IGSF6: variants seen among roughly 807,000 people sequenced by gnomAD.
IGSF6 encodes the protein immunoglobulin superfamily member 6.
Under a neutral mutation model 24.7 loss-of-function variants are expected in IGSF6, and 23 were observed. The ratio of observed to expected loss-of-function variants is 0.93; its 90% CI spans 0.67 to 1.32. The LOEUF (loss-of-function observed/expected upper bound fraction) is 1.32, where lower values mean the gene tolerates loss of function less well. IGSF6 is among the 40% of genes most tolerant of loss of function. The pLI is 0.00. For missense variants in IGSF6, 295 were observed against 293.6 expected, an observed-to-expected ratio of 1.00 and a Z score of -0.04; for synonymous variants, 110 against 113.7, an observed-to-expected ratio of 0.97 and a Z score of 0.21.
chr16:21,647,171 GCT>G lies in IGSF6; in HGVS notation c.387_388del (p.Arg129SerfsTer2), dbSNP rs1210452278. On this transcript the variant is annotated frameshift_variant, in exon 2 of 6. Coordinates refer to ENST00000268389, the MANE Select transcript of IGSF6 (RefSeq NM_005849.4). LOFTEE classifies it high-confidence loss of function. ...TGTGGTCCCTCCTCCTGTCTGTTTA[GCT>G]CTCGCTTCCGGCACACTGGGGAATG... The G allele has an allele frequency of 1.9e-6, 3 of 1,614,114 alleles. No individual in the cohort carries two copies. The highest frequency in any genetic ancestry group is 2.5e-6 in the Non-Finnish European group (3 of 1,179,996).
intron 1 of IGSF6, among the ~76,000 whole-genome samples, chr16:21,649,890 G>A (rs1966523487): frequency 6.6e-6 from 1 of 151,910 alleles, no homozygotes; most frequent in Non-Finnish European, 1.5e-5. Flanking sequence ...TTTATTTTTA[G>A]TAGAGACAGG....
At position 21,639,561 on chromosome 16, in the gene IGSF6, A is replaced by G. The variant is rs1966193033; in HGVS notation, c.*1973T>C. 6.6e-6 allele frequency: 1 copy of G among 152,246 alleles called. No homozygotes were observed. Among genetic ancestry groups the G allele is most frequent in the Non-Finnish European group, 1.5e-5 (1 of 68,044 alleles). 9.4% of individuals were successfully genotyped at this position (152,246 alleles called of 1,614,324 possible). ...AGTACACAAGACAGTTTATTTTGGA[A>G]TATGGCAGGAAAGTATTAGCATTTT... On this transcript the variant is annotated 3_prime_UTR_variant, in exon 6 of 6. Coordinates refer to ENST00000268389, the MANE Select transcript of IGSF6 (RefSeq NM_005849.4).
chr16:21,645,880 C>T (rs1176723718), intron 2 of IGSF6, among the ~76,000 whole-genome samples: 1 of 152,158 alleles, frequency 6.6e-6, no homozygotes, highest in East Asian at 1.9e-4. Flanking sequence ...ATTTAGCTGA[C>T]AGATGAGAAT....
rs1567347042 is a variant in IGSF6 at position 21,647,278 on chromosome 16, C to T, written c.282G>A (p.Glu94=). ...KSEADKFTVR[E]ALKENQVSLT... The stretch of plus-strand genomic sequence containing the variant: ...GGGAAACTTGGTTTTCTTTGAGGGC[C>T]TCCCTCACTGTGAACTTGTCTGCCT... Residue 94 remains glutamate (E), a synonymous_variant, in exon 2 of 6, where the codon GAG becomes GAA. Coordinates refer to ENST00000268389, the MANE Select transcript of IGSF6 (RefSeq NM_005849.4). The T allele has an allele frequency of 1.9e-6, 3 of 1,614,162 alleles. No individual in the cohort carries two copies. Among genetic ancestry groups the T allele is most frequent in the African/African-American group, 1.3e-5 (1 of 75,036 alleles).
rs1275501703 is a variant in IGSF6 at position 21,640,141 on chromosome 16, T to C, written c.*1393A>G. 2 of 151,940 alleles carry C rather than the reference T, an allele frequency of 1.3e-5. No individual in the cohort carries two copies. Among genetic ancestry groups the C allele is most frequent in the Non-Finnish European group, 2.9e-5 (2 of 67,990 alleles). The allele number at this position is 151,940 out of a possible 1,614,324, so 9.4% of individuals were successfully genotyped here. A position where few individuals can be genotyped will look rare whatever the true frequency, so the allele number is the denominator to read the frequency against. On this transcript the variant is annotated 3_prime_UTR_variant, in exon 6 of 6. Transcript: ENST00000268389. ...TTTTTAGTAGAGACGGGTTTCATCA[T>C]GTTGTTCAGGCTGGTCTCGAACTCC...
intron 2 of IGSF6, 151 bp downstream of exon 2, chr16:21,646,982 C>T (rs775253708): frequency 2.0e-5 from 21 of 1,039,654 alleles, no homozygotes; most frequent in South Asian, 4.0e-5. Context: ...GTCCAAACCT[C>T]ATGGTGACTT....
At chr16:21,651,587 C>G (rs1302971763) in intron 1 of IGSF6, among the ~76,000 whole-genome samples, 1 of 152,082 alleles carries the variant, frequency 6.6e-6, no homozygotes, top group Admixed American at 6.5e-5. Context: ...AGGCATGAAC[C>G]ACCACGCCCA....
At position 21,639,923 on chromosome 16, in the gene IGSF6, T is replaced by TA. The variant is rs1966203447; in HGVS notation, c.*1610dup. Reference sequence around the variant, plus strand: ...CAATACCAGTTTAAAAGAAACACTTTATTTTATTTATTTATTTATTTATTT... The same window carrying TA: ...CAATACCAGTTTAAAAGAAACACTTTAATTTTATTTATTTATTTATTTATTT... On this transcript the variant is annotated 3_prime_UTR_variant, in exon 6 of 6. Transcript: ENST00000268389. The TA allele has an allele frequency of 6.6e-6, 1 of 151,406 alleles. No individual in the cohort carries two copies. The highest frequency in any genetic ancestry group is 6.6e-5 in the Admixed American group (1 of 15,122). The allele number at this position is 151,406 out of a possible 1,614,324, so 9.4% of individuals were successfully genotyped here.
chr16:21,648,450 G>A (rs570707214), intron 1 of IGSF6, among the ~76,000 whole-genome samples: 7 of 152,266 alleles, frequency 4.6e-5, no homozygotes, highest in South Asian at 4.1e-4. Context: ...TGCTGCAGCC[G>A]CCACTGCTAC....
At chr16:21,646,247 C>T (rs923397067) in intron 2 of IGSF6, 9 of 151,918 alleles carry the variant, frequency 5.9e-5, no homozygotes, top group Non-Finnish European at 1.2e-4. Context: ...TGTTTGATGT[C>T]CTCGCTCGGC....
At chr16:21,643,680 TTAAAC>T (rs1966338885) in intron 3 of IGSF6, 82 bp from the exon 4 acceptor site, 8 of 840,886 alleles carry the variant, frequency 9.5e-6, no homozygotes, top group Non-Finnish European at 1.2e-5. Flanking sequence ...CCTAATAAGA[TTAAAC>T]TAACTTAATA....
In IGSF6 at chr16:21,647,150, G is replaced by A. The variant is rs2141618877; in HGVS notation, c.410C>T (p.Thr137Ile). Residue 137 changes from threonine (T) to isoleucine (I), a missense_variant, in exon 2 of 6, where the codon ACC becomes ATC. Transcript: ENST00000268389. ...TGACTGACCTCTTACCACCAGTGTG[G>A]TCCCTCCTCCTGTCTGTTTAGCTCT... is the stretch of plus-strand genomic sequence containing the variant. ...EARAKQTGGG[T>I]TLVVREIKLL... 1 of 1,614,138 alleles carries A rather than the reference G, an allele frequency of 6.2e-7. No homozygotes were observed. Among genetic ancestry groups the A allele is most frequent in the Non-Finnish European group, 8.5e-7 (1 of 1,180,010 alleles).
rs562507415 is a variant in IGSF6 at position 21,639,784 on chromosome 16, A to G, written c.*1750T>C. On this transcript the variant is annotated 3_prime_UTR_variant, in exon 6 of 6. Transcript: ENST00000268389. ...CTTTCCCCTGCCCATTTTTCTGGGC[A>G]CATAGGATCAGGAAAGTTTGATATC... The G allele has an allele frequency of 9.2e-5, 14 of 152,312 alleles. No homozygotes were observed. The highest frequency in any genetic ancestry group is 3.1e-4 in the African/African-American group (13 of 41,558). 9.4% of individuals were successfully genotyped at this position (152,312 alleles called of 1,614,324 possible).
At position 21,647,464 on chromosome 16, in the gene IGSF6, G is replaced by A. The variant is rs368474150; in HGVS notation, c.96C>T (p.Val32=). The change falls in exon 2 of 6, where the codon GTC becomes GTT. Residue 32 remains valine (V), a synonymous_variant. Coordinates refer to ENST00000268389, the MANE Select transcript of IGSF6 (RefSeq NM_005849.4). ...CCACTTCTAGGTACCACGGTTGTGT[G>A]ACAGAGAGAGTACAGGCGCCCACAG... The part of the protein sequence containing the change: ...VGAVGACTLS[V]TQPWYLEVDY... The A allele has an allele frequency of 1.0e-4, 163 of 1,613,732 alleles. No individual in the cohort carries two copies. Among genetic ancestry groups the A allele is most frequent in the Non-Finnish European group, 1.3e-4 (157 of 1,179,850 alleles).
chr16:21,651,619 G>A (rs1027891404), intron 1 of IGSF6, among the ~76,000 whole-genome samples: 1 of 152,044 alleles, frequency 6.6e-6, no homozygotes, highest in African/African-American at 2.4e-5. Context: ...TATTATATTA[G>A]ATTTCAAATT....
chr16:21,643,289 C>T, intron 4 of IGSF6, 135 bp from the exon 5 acceptor site: 1 of 676,598 alleles, frequency 1.5e-6, no homozygotes, highest in Middle Eastern at 2.5e-4. Flanking sequence ...TATGTGCCTA[C>T]AGTTAACTCT....
At chr16:21,651,023 A>G (rs1248730494) in intron 1 of IGSF6, among the ~76,000 whole-genome samples, 1 of 152,200 alleles carries the variant, frequency 6.6e-6, no homozygotes, top group Non-Finnish European at 1.5e-5. Context: ...GGAGATCGAG[A>G]CCATCCTGGC....
At chr16:21,648,368 G>A (rs1465287111) in intron 1 of IGSF6, among the ~76,000 whole-genome samples, 1 of 152,158 alleles carries the variant, frequency 6.6e-6, no homozygotes, top group Non-Finnish European at 1.5e-5. Context: ...TTAGTGTGAC[G>A]TTCAAGATGA....
At position 21,640,142 on chromosome 16, in the gene IGSF6, G is replaced by A. The variant is rs550611921; in HGVS notation, c.*1392C>T. On this transcript the variant is annotated 3_prime_UTR_variant, in exon 6 of 6. Transcript: ENST00000268389. ...TTTTAGTAGAGACGGGTTTCATCAT[G>A]TTGTTCAGGCTGGTCTCGAACTCCT... 85 of 151,926 alleles carry A rather than the reference G, an allele frequency of 5.6e-4. No homozygotes were observed. The highest frequency in any genetic ancestry group is 1.8e-3 in the African/African-American group (74 of 41,438). The allele number at this position is 151,926 out of a possible 1,614,324, so 9.4% of individuals were successfully genotyped here.
Sources: allele counts gnomAD v4.1 joint callset (sites outside exome capture counted in the v4.1 genomes callset), GRCh38; gene constraint gnomAD v4.1.1; transcripts MANE v1.5; gene names NCBI Gene and HGNC (gene_info 2026-07-23, HGNC 2026-07-21).